The following IQCJ variants were observed in gnomAD, a reference collection of about 807,000 sequenced individuals.
IQCJ encodes IQ motif containing J, also known as IQ domain-containing protein J.
Under a neutral mutation model 11.0 loss-of-function variants are expected in IQCJ, and 9 were observed. The ratio of observed to expected loss-of-function variants is 0.82; its 90% CI spans 0.49 to 1.43. IQCJ has a LOEUF of 1.43. Among genes scored for constraint, IQCJ ranks in the 40% most tolerant of loss-of-function variants. The probability of loss-of-function intolerance (pLI) is 0.00; values close to 1 mark genes in which losing one functional copy is unlikely to be tolerated. For synonymous variants in IQCJ, 55 were observed against 51.3 expected, an observed-to-expected ratio of 1.07 and a Z score of -0.31; for missense variants, 146 against 133.2, an observed-to-expected ratio of 1.10 and a Z score of -0.47.
At chr3:159,132,919 G>C (rs906868998) in intron 1 of IQCJ, among the ~76,000 whole-genome samples, 1 of 140,276 alleles carries the variant, frequency 7.1e-6, no homozygotes, top group Non-Finnish European at 1.6e-5. Context: ...TTGCTTTCTT[G>C]CTTGCTTTCT....
intron 3 of IQCJ, among the ~76,000 whole-genome samples, chr3:159,258,287 A>G (rs1728007844): frequency 6.6e-6 from 1 of 152,144 alleles, no homozygotes; most frequent in South Asian, 2.1e-4. Flanking sequence ...CAATCCCCAG[A>G]GCAGCCTTTA....
intron 1 of IQCJ, among the ~76,000 whole-genome samples, chr3:159,142,703 C>G (rs1720692354): frequency 6.6e-6 from 1 of 152,086 alleles, no homozygotes; most frequent in South Asian, 2.1e-4. Flanking sequence ...CAGGCGTCAG[C>G]CACCGTACCC....
chr3:159,078,897 T>G (rs950998756), intron 1 of IQCJ, among the ~76,000 whole-genome samples: 1 of 152,040 alleles, frequency 6.6e-6, no homozygotes, highest in African/African-American at 2.4e-5. Flanking sequence ...AATGAAATAA[T>G]GTGTGAAAAG....
intron 1 of IQCJ, among the ~76,000 whole-genome samples, chr3:159,123,197 A>G (rs1054745360): frequency 1.3e-5 from 2 of 152,180 alleles, no homozygotes; most frequent in African/African-American, 4.8e-5. Context: ...ATGGCAGTAT[A>G]TTTGACTTCA....
chr3:159,088,081 C>A lies in IQCJ; in HGVS notation c.9+18640C>A, dbSNP rs564156933. On this transcript the variant is annotated intron_variant, in intron 1 of 3. Transcript: ENST00000397832. ...AATGCTATAAATTTCCCTCTACACACTGCTTTGAATATGTCCCAGAGATTC... is the reference window on the plus strand; with the variant it reads ...AATGCTATAAATTTCCCTCTACACAATGCTTTGAATATGTCCCAGAGATTC... 6.6e-5 allele frequency among the ~76,000 whole-genome samples: 10 copies of A among 152,242 alleles called. No homozygotes were observed. In the South Asian group the frequency reaches 2.1e-3, roughly 32 times the overall value.
At chr3:159,089,152 A>G (rs1282529196) in intron 1 of IQCJ, among the ~76,000 whole-genome samples, 1 of 151,840 alleles carries the variant, frequency 6.6e-6, no homozygotes, top group African/African-American at 2.4e-5. Context: ...TTGTCTGTAA[A>G]GTATTTTAGT....
chr3:159,134,695 C>T (rs1172797799), intron 1 of IQCJ, among the ~76,000 whole-genome samples: 2 of 152,174 alleles, frequency 1.3e-5, no homozygotes, highest in Non-Finnish European at 2.9e-5. Context: ...ACTTATCTTT[C>T]TTGGTAGCTG....
intron 1 of IQCJ, among the ~76,000 whole-genome samples, chr3:159,150,415 C>T (rs1283902062): frequency 6.6e-6 from 1 of 152,080 alleles, no homozygotes; most frequent in Non-Finnish European, 1.5e-5. Flanking sequence ...AGGGCTGCTC[C>T]TGGAAGTACT....
In IQCJ at chr3:159,253,928, T is replaced by C. The variant is rs1205181689; in HGVS notation, c.155+1121T>C. ...AATCTATGTTAACCTTGGTCACCAG[T>C]AAAAAGCTTGCCTCTGCATGAGCAT... is the stretch of plus-strand genomic sequence containing the variant. On this transcript the variant is annotated intron_variant, in intron 3 of 3. Transcript: ENST00000397832. Among the ~76,000 whole-genome samples, 5 of 152,184 alleles carry C rather than the reference T, an allele frequency of 3.3e-5. No individual in the cohort carries two copies. The East Asian group carries it at 9.6e-4, about 29-fold the overall frequency.
At chr3:159,106,529 G>A (rs1470574128) in intron 1 of IQCJ, among the ~76,000 whole-genome samples, 1 of 151,948 alleles carries the variant, frequency 6.6e-6, no homozygotes, top group African/African-American at 2.4e-5. Flanking sequence ...GTGGGGTGGG[G>A]GAAGCGGGGA....
At chr3:159,161,948 T>A (rs1205786588) in intron 1 of IQCJ, among the ~76,000 whole-genome samples, 1 of 152,246 alleles carries the variant, frequency 6.6e-6, no homozygotes, top group East Asian at 1.9e-4. Context: ...GAAGTATAGT[T>A]CGAAGTCAGG....
At chr3:159,170,556 G>C (rs1174381537) in intron 1 of IQCJ, among the ~76,000 whole-genome samples, 2 of 151,898 alleles carry the variant, frequency 1.3e-5, no homozygotes, top group African/African-American at 4.8e-5. Flanking sequence ...CTAAACTTTT[G>C]TAACTTTACG....
At chr3:159,196,810 G>T (rs1287672825) in intron 1 of IQCJ, among the ~76,000 whole-genome samples, 1 of 152,172 alleles carries the variant, frequency 6.6e-6, no homozygotes, top group Non-Finnish European at 1.5e-5. Context: ...CTAGGAACTA[G>T]CAGAGCTAGG....
intron 1 of IQCJ, among the ~76,000 whole-genome samples, chr3:159,172,846 C>G (rs1017746590): frequency 1.3e-5 from 2 of 152,082 alleles, no homozygotes; most frequent in South Asian, 2.1e-4. Flanking sequence ...AAACTCATCT[C>G]TATTCACTAT....
At chr3:159,265,358 C>T (rs1438983748), downstream of IQCJ, 7 of 1,613,734 alleles carry the variant, frequency 4.3e-6, no homozygotes, top group Non-Finnish European at 5.9e-6. Context: ...TACATACTCT[C>T]AAGGAGCCCC....
intron 1 of IQCJ, among the ~76,000 whole-genome samples, chr3:159,221,264 A>G (rs549791933): frequency 1.2e-4 from 18 of 152,252 alleles, no homozygotes; most frequent in African/African-American, 4.3e-4. Context: ...TAAAATGGTG[A>G]TTATTAAAAT....
At chr3:159,128,701 C>T (rs1247822038) in intron 1 of IQCJ, among the ~76,000 whole-genome samples, 1 of 152,110 alleles carries the variant, frequency 6.6e-6, no homozygotes, top group Non-Finnish European at 1.5e-5. Flanking sequence ...GATTAGTCTC[C>T]CTAAAGATCT....
At chr3:159,169,688 A>ACCTTCAGAGTT (rs1722388307) in intron 1 of IQCJ, among the ~76,000 whole-genome samples, 2 of 152,086 alleles carry the variant, frequency 1.3e-5, no homozygotes, top group Admixed American at 6.6e-5. Context: ...TGCTTCACCC[A>ACCTTCAGAGTT]CCTTCAGAGT....
At chr3:159,238,671 T>G (rs1237389785) in intron 1 of IQCJ, among the ~76,000 whole-genome samples, 1 of 152,288 alleles carries the variant, frequency 6.6e-6, no homozygotes, top group Non-Finnish European at 1.5e-5. Context: ...CCCAACTTTC[T>G]TTTTGGGTTA....
Sources: gnomAD v4.1 joint callset for allele counts (sites outside exome capture counted in the v4.1 genomes callset) on GRCh38, gnomAD v4.1.1 for gene constraint, MANE v1.5 for transcripts, NCBI Gene and HGNC (gene_info 2026-07-23, HGNC 2026-07-21) for gene names.